Variants in MGAT4C observed in about 807,000 individuals in gnomAD.
The protein encoded by MGAT4C is alpha-1,3-mannosyl-glycoprotein 4-beta-N-acetylglucosaminyltransferase C.
MGAT4C carries 19 observed loss-of-function variants against 40.1 expected under a neutral mutation model. The ratio of observed to expected loss-of-function variants is 0.47; its 90% CI spans 0.33 to 0.70. The LOEUF is 0.70. MGAT4C is among the 30% of genes least tolerant of loss of function. The probability of loss-of-function intolerance (pLI) is 0.02; values close to 1 mark genes in which losing one functional copy is unlikely to be tolerated. For synonymous variants in MGAT4C, 181 were observed against 187.1 expected (o/e 0.97, Z 0.27); for missense variants, 491 against 563.2 (o/e 0.87, Z 1.30).
At chr12:86,298,679 T>C (rs985280817) in intron 4 of MGAT4C, among the ~76,000 whole-genome samples, 10 of 152,172 alleles carry the variant, frequency 6.6e-5, no homozygotes, top group South Asian at 2.1e-4. Flanking sequence ...ATTTTTAAAA[T>C]TCTTATATTA....
At chr12:86,354,750 C>A (rs1955268078) in intron 3 of MGAT4C, among the ~76,000 whole-genome samples, 1 of 152,110 alleles carries the variant, frequency 6.6e-6, no homozygotes, top group South Asian at 2.1e-4. Context: ...TGGCTCAAGG[C>A]TGCAAGGTAT....
At chr12:86,067,577 G>A (rs559480466) in intron 1 of MGAT4C, among the ~76,000 whole-genome samples, 1 of 152,042 alleles carries the variant, frequency 6.6e-6, no homozygotes, top group South Asian at 2.1e-4. Context: ...GGATAGCGGA[G>A]GAGTAGCGTT....
chr12:86,370,345 A>G (rs550894887), intron 3 of MGAT4C, among the ~76,000 whole-genome samples: 18 of 152,204 alleles, frequency 1.2e-4, no homozygotes, highest in Admixed American at 3.3e-4. Context: ...AGATAAATAG[A>G]TATCTTCAGC....
At chr12:86,040,978 C>A (rs916267139) in intron 2 of MGAT4C, among the ~76,000 whole-genome samples, 1 of 152,144 alleles carries the variant, frequency 6.6e-6, no homozygotes, top group African/African-American at 2.4e-5. Context: ...CGACGCCCCA[C>A]CCTGCTTCAA....
At chr12:86,498,923 CA>C (rs768150052) in intron 2 of MGAT4C, among the ~76,000 whole-genome samples, 10 of 151,486 alleles carry the variant, frequency 6.6e-5, no homozygotes, top group East Asian at 1.9e-4. Context: ...CAAGACATTA[CA>C]AAAAAAAGGT....
chr12:86,135,084 C>A (rs1314797068), intron 1 of MGAT4C, among the ~76,000 whole-genome samples: 3 of 152,060 alleles, frequency 2.0e-5, no homozygotes, highest in Non-Finnish European at 2.9e-5. Flanking sequence ...TGTTTTATTT[C>A]TTTTATCATA....
intron 3 of MGAT4C, among the ~76,000 whole-genome samples, chr12:86,349,138 T>C (rs527243349): frequency 1.3e-5 from 2 of 152,276 alleles, no homozygotes; most frequent in East Asian, 1.9e-4. Context: ...ACCATGTCCT[T>C]GAAATCTTAT....
chr12:86,305,627 A>G (rs1234265456), intron 4 of MGAT4C, among the ~76,000 whole-genome samples: 1 of 150,294 alleles, frequency 6.7e-6, no homozygotes, highest in Admixed American at 6.6e-5. Flanking sequence ...CTCCCCATGA[A>G]CACCAAAATC....
At chr12:86,163,114 T>G (rs1408772542) in intron 1 of MGAT4C, among the ~76,000 whole-genome samples, 1 of 152,132 alleles carries the variant, frequency 6.6e-6, no homozygotes, top group Non-Finnish European at 1.5e-5. Flanking sequence ...CTACAGTCAG[T>G]ACCTAAATTC....
chr12:86,513,134 A>G (rs1253258169), intron 2 of MGAT4C, among the ~76,000 whole-genome samples: 1 of 152,150 alleles, frequency 6.6e-6, no homozygotes, highest in Non-Finnish European at 1.5e-5. Context: ...AATACTTTGC[A>G]TTTTAATAGT....
intron 2 of MGAT4C, among the ~76,000 whole-genome samples, chr12:86,567,199 G>A (rs1013418099): frequency 2.0e-5 from 3 of 152,038 alleles, no homozygotes. Context: ...GGTAGAAGTC[G>A]AAGTGACACC....
chr12:86,046,870 A>T (rs2136955816), intron 2 of MGAT4C, among the ~76,000 whole-genome samples: 1 of 152,290 alleles, frequency 6.6e-6, no homozygotes, highest in African/African-American at 2.4e-5. Flanking sequence ...TTTTCTATTG[A>T]ATCATACACG....
At chr12:86,361,399 G>A (rs1195041250) in intron 3 of MGAT4C, among the ~76,000 whole-genome samples, 6 of 150,376 alleles carry the variant, frequency 4.0e-5, no homozygotes, top group Non-Finnish European at 7.5e-5. Flanking sequence ...GAAAACTTAG[G>A]CAATACCATT....
At chr12:86,119,396 C>G (rs1268297777) in intron 1 of MGAT4C, among the ~76,000 whole-genome samples, 1 of 151,906 alleles carries the variant, frequency 6.6e-6, no homozygotes. Flanking sequence ...GAGTGACAAA[C>G]TCCCGTTTTC....
Position 86,489,576 on chromosome 12 carries a change from A to C in MGAT4C, c.-228-54311T>G, listed in dbSNP as rs112246229. ...AGCATTGTAACATGCCCTCTGGGGC[A>C]TTGGGATCACAGGCACCCTGACCTG... On this transcript the variant is annotated intron_variant, in intron 2 of 7. Coordinates refer to the MGAT4C transcript ENST00000548651. 3.3e-3 allele frequency among the ~76,000 whole-genome samples: 500 copies of C among 152,308 alleles called. 2 individuals carry two copies. Among genetic ancestry groups the C allele is most frequent in the African/African-American group, 0.012 (483 of 41,586 alleles).
At chr12:86,303,584 C>T (rs1490403573) in intron 4 of MGAT4C, among the ~76,000 whole-genome samples, 1 of 149,202 alleles carries the variant, frequency 6.7e-6, no homozygotes, top group African/African-American at 2.5e-5. Context: ...AAAACTACTG[C>T]AATCCAGAGT....
intron 1 of MGAT4C, among the ~76,000 whole-genome samples, chr12:86,733,513 G>A (rs1470039977): frequency 6.6e-6 from 1 of 152,062 alleles, no homozygotes; most frequent in Admixed American, 6.6e-5. Context: ...GTGATAAGAA[G>A]ACATTATAAC....
In MGAT4C at chr12:86,233,088, T is replaced by C. The variant is rs73387526; in HGVS notation, c.-57+23151A>G. Reference sequence around the variant, plus strand: ...AGGCAGTCTCTAGGTTATTCTGTTTTAGATTTTTTTAACTTAGATTTATTC... The same window carrying C: ...AGGCAGTCTCTAGGTTATTCTGTTTCAGATTTTTTTAACTTAGATTTATTC... On this transcript the variant is annotated intron_variant, in intron 1 of 4. Transcript: ENST00000611864. 3.3e-3 allele frequency among the ~76,000 whole-genome samples: 498 copies of C among 152,356 alleles called. 2 individuals carry two copies. The highest frequency in any genetic ancestry group is 0.012 in the African/African-American group (485 of 41,588).
At position 85,975,887 on chromosome 12, in the gene MGAT4C, A is replaced by G. The variant is rs772472212; in HGVS notation, c.*3402T>C. On this transcript the variant is annotated 3_prime_UTR_variant, in exon 5 of 5. Coordinates refer to ENST00000611864, the MANE Select transcript of MGAT4C (RefSeq NM_001351288.2). ...TGTTGATGGATGTATTGTCAAGGAA[A>G]AAGAAGAGAATTACACACTGTTTCC... 3 of 150,934 alleles carry G rather than the reference A, an allele frequency of 2.0e-5. No individual in the cohort carries two copies. The highest frequency in any genetic ancestry group is 4.5e-5 in the Non-Finnish European group (3 of 67,164). 9.3% of individuals were successfully genotyped at this position (150,934 alleles called of 1,614,324 possible). A position where few individuals can be genotyped will look rare whatever the true frequency, so the allele number is the denominator to read the frequency against.
Sources: allele counts gnomAD v4.1 joint callset (sites outside exome capture counted in the v4.1 genomes callset), GRCh38; gene constraint gnomAD v4.1.1; transcripts MANE v1.5; gene names NCBI Gene and HGNC (gene_info 2026-07-23, HGNC 2026-07-21).